The following ATP9A variants were observed in gnomAD, a reference collection of about 807,000 sequenced individuals.
ATP9A encodes probable phospholipid-transporting ATPase IIA.
Under a neutral mutation model 144.1 loss-of-function variants are expected in ATP9A, and 52 were observed. The ratio of observed to expected loss-of-function variants is 0.36; its 90% CI spans 0.29 to 0.45. The LOEUF (loss-of-function observed/expected upper bound fraction) is 0.45, where lower values mean the gene tolerates loss of function less well. Ranked by LOEUF, ATP9A falls within the 20% of genes least tolerant of loss-of-function variation. The pLI, the probability that ATP9A is intolerant of heterozygous loss-of-function variation, is 1.00. For synonymous variants in ATP9A, 582 were observed against 557.4 expected (o/e 1.04, Z -0.62); for missense variants, 947 against 1,392.7 (o/e 0.68, Z 5.09).
At chr20:51,750,797 G>A (rs922328557) in intron 1 of ATP9A, among the ~76,000 whole-genome samples, 17 of 152,122 alleles carry the variant, frequency 1.1e-4, no homozygotes, top group African/African-American at 3.9e-4. Context: ...TGTAGAATCT[G>A]AGAGCCACCT....
chr20:51,735,379 C>A (rs2077759017), intron 1 of ATP9A, among the ~76,000 whole-genome samples: 1 of 144,400 alleles, frequency 6.9e-6, no homozygotes, highest in Non-Finnish European at 1.5e-5. Context: ...ACACTGGCTC[C>A]CTTTCAGGAA....
chr20:51,708,518 C>T (rs1215848508), intron 4 of ATP9A, among the ~76,000 whole-genome samples: 3 of 151,504 alleles, frequency 2.0e-5, no homozygotes, highest in East Asian at 1.9e-4. Flanking sequence ...GCGGGTCACT[C>T]GAGCCTAGGA....
At chr20:51,640,185 AGAAG>A (rs1260049304) in intron 14 of ATP9A, among the ~76,000 whole-genome samples, 1 of 152,216 alleles carries the variant, frequency 6.6e-6, no homozygotes, top group African/African-American at 2.4e-5. Flanking sequence ...AATAAAAAAA[AGAAG>A]GAAGAGAATG....
At chr20:51,764,427 G>A (rs2077895012) in intron 1 of ATP9A, among the ~76,000 whole-genome samples, 1 of 152,224 alleles carries the variant, frequency 6.6e-6, no homozygotes, top group African/African-American at 2.4e-5. Context: ...TCAGGATGTG[G>A]TAACTTTCTC....
intron 12 of ATP9A, 23 bp downstream of exon 12, chr20:51,671,092 G>A (rs367681089): frequency 6.7e-5 from 108 of 1,608,432 alleles, no homozygotes; most frequent in Middle Eastern, 1.6e-4. Flanking sequence ...GGAATCCTGC[G>A]CAGGTCCCAG....
intron 19 of ATP9A, among the ~76,000 whole-genome samples, chr20:51,620,226 G>A (rs950931454): frequency 2.0e-5 from 3 of 152,292 alleles, no homozygotes; most frequent in Non-Finnish European, 4.4e-5. Flanking sequence ...ATATGCAAAC[G>A]AGCCGGTCTG....
chr20:51,711,678 A>G (rs1205246500), intron 4 of ATP9A, among the ~76,000 whole-genome samples: 1 of 152,122 alleles, frequency 6.6e-6, no homozygotes, highest in East Asian at 1.9e-4. Context: ...CAGTAAATCT[A>G]TTGTAGTCAG....
At chr20:51,606,971 T>C (rs1000137601) in intron 26 of ATP9A, among the ~76,000 whole-genome samples, 5 of 150,614 alleles carry the variant, frequency 3.3e-5, no homozygotes, top group African/African-American at 7.3e-5. Flanking sequence ...TACATAAAAA[T>C]AGAAATACTA....
intron 27 of ATP9A, among the ~76,000 whole-genome samples, chr20:51,603,842 G>A (rs1035430086): frequency 3.9e-5 from 6 of 152,132 alleles, no homozygotes; most frequent in African/African-American, 1.4e-4. Flanking sequence ...GTGCAGTGGC[G>A]TGATCTCAGC....
At chr20:51,632,366 G>A (rs1003535907) in intron 15 of ATP9A, among the ~76,000 whole-genome samples, 3 of 152,178 alleles carry the variant, frequency 2.0e-5, no homozygotes, top group African/African-American at 4.8e-5. Context: ...AGGAGCCACC[G>A]TACCAAGCCT....
At chr20:51,669,525 T>C (rs1295439937) in intron 13 of ATP9A, among the ~76,000 whole-genome samples, 1 of 152,222 alleles carries the variant, frequency 6.6e-6, no homozygotes, top group East Asian at 1.9e-4. Context: ...CCATTTGTTA[T>C]TGGTGCTCCG....
At position 51,657,017 on chromosome 20, in the gene ATP9A, T is replaced by G. The variant is rs770573544; in HGVS notation, c.1427A>C (p.Asn476Thr). 1 of 1,614,120 alleles carries G rather than the reference T, an allele frequency of 6.2e-7. No homozygotes were observed. The highest frequency in any genetic ancestry group is 1.1e-5 in the South Asian group (1 of 91,090). Reference protein sequence around the residue: ...CHNVTPVYESNGVTDQAEAEK... With the variant: ...CHNVTPVYESTGVTDQAEAEK... ...GGCCTCAGCCTGATCAGTCACACCG[T>G]TGGACTCATACACGGGAGTCACGTT... The change falls in exon 14 of 28, where the codon AAC (asparagine) becomes ACC (threonine). Residue 476 changes from asparagine to threonine, a missense_variant. Coordinates refer to ENST00000338821, the MANE Select transcript of ATP9A (RefSeq NM_006045.3).
Position 51,634,812 on chromosome 20 carries a change from G to A in ATP9A, c.1668+4531C>T, listed in dbSNP as rs902824676. ...GAAGGTTGCAGTGAGCTGAGATCACGCCATTGCACTCCAGTCTGGGAAACA... is the reference window on the plus strand; with the variant it reads ...GAAGGTTGCAGTGAGCTGAGATCACACCATTGCACTCCAGTCTGGGAAACA... On this transcript the variant is annotated intron_variant, in intron 15 of 27. Coordinates refer to ENST00000338821, the MANE Select transcript of ATP9A (RefSeq NM_006045.3). Among the ~76,000 whole-genome samples, 6 of 134,332 alleles carry A rather than the reference G, an allele frequency of 4.5e-5. No homozygotes were observed. The East Asian group carries it at 6.7e-4, about 15-fold the overall frequency. The allele number at this position is 134,332 out of a possible 152,430, so 88.1% of individuals were successfully genotyped here.
At chr20:51,610,714 C>A (rs575085279) in intron 23 of ATP9A, among the ~76,000 whole-genome samples, 1 of 152,046 alleles carries the variant, frequency 6.6e-6, no homozygotes, top group Non-Finnish European at 1.5e-5. Flanking sequence ...TAGGCATGCA[C>A]GCTGCTAACC....
chr20:51,633,064 C>T (rs898414943), intron 15 of ATP9A, among the ~76,000 whole-genome samples: 5 of 152,102 alleles, frequency 3.3e-5, no homozygotes, highest in Admixed American at 1.3e-4. Context: ...GCGGAGGTTG[C>T]AGTGAGCTGA....
intron 14 of ATP9A, among the ~76,000 whole-genome samples, chr20:51,651,237 CATAATATATATTTACATAATATATTAT>C (rs1361041012): frequency 0.039 from 3,301 of 85,514 alleles, 72 homozygotes; most frequent in Middle Eastern, 0.075. Flanking sequence ...TTATTATTTA[CATAATATATATTTACATAATATATTAT>C]ATAATATATA....
chr20:51,713,725 G>GA (rs1172883630), intron 3 of ATP9A, among the ~76,000 whole-genome samples: 10 of 152,102 alleles, frequency 6.6e-5, no homozygotes, highest in Admixed American at 3.3e-4. Flanking sequence ...GAGCCAAGTG[G>GA]AAAAAATCCA....
Position 51,678,135 on chromosome 20 carries a change from G to A in ATP9A, c.800-1927C>T, listed in dbSNP as rs971370017. Reference sequence around the variant, plus strand: ...AACATACAGGACTGGGTGGCAGGGCGGGGGGAAGGGGGCAGTGGGGGGCAG... The same window carrying A: ...AACATACAGGACTGGGTGGCAGGGCAGGGGGAAGGGGGCAGTGGGGGGCAG... On this transcript the variant is annotated intron_variant, in intron 9 of 27. Coordinates refer to ENST00000338821, the MANE Select transcript of ATP9A (RefSeq NM_006045.3). Among the ~76,000 whole-genome samples, 9 of 151,400 alleles carry A rather than the reference G, an allele frequency of 5.9e-5. No individual in the cohort carries two copies. The South Asian group carries it at 8.4e-4, about 14-fold the overall frequency.
intron 9 of ATP9A, among the ~76,000 whole-genome samples, chr20:51,685,311 A>T (rs1186855086): frequency 6.6e-6 from 1 of 152,200 alleles, no homozygotes; most frequent in Non-Finnish European, 1.5e-5. Flanking sequence ...CTGTAATCCC[A>T]GCACTTTAAG....
Sources: allele counts gnomAD v4.1 joint callset (sites outside exome capture counted in the v4.1 genomes callset), GRCh38; gene constraint gnomAD v4.1.1; transcripts MANE v1.5; gene names NCBI Gene and HGNC (gene_info 2026-07-23, HGNC 2026-07-21).